Variants in IMMP2L observed in about 807,000 individuals in gnomAD.
The protein encoded by IMMP2L is inner mitochondrial membrane peptidase subunit 2, also known as mitochondrial inner membrane protease subunit 2.
IMMP2L carries 18 observed loss-of-function variants against 19.3 expected under a neutral mutation model. The ratio of observed to expected loss-of-function variants is 0.93; its 90% CI spans 0.64 to 1.38. The LOEUF is 1.38. Ranked by LOEUF, IMMP2L falls within the 40% of genes most tolerant of loss-of-function variation. The pLI, the probability that IMMP2L is intolerant of heterozygous loss-of-function variation, is 0.00. For synonymous variants in IMMP2L, 76 were observed against 73.0 expected (o/e 1.04, Z -0.21); for missense variants, 233 against 218.2 (o/e 1.07, Z -0.43).
At chr7:110,963,816 T>G (rs1819230761) in intron 3 of IMMP2L, among the ~76,000 whole-genome samples, 2 of 152,012 alleles carry the variant, frequency 1.3e-5, no homozygotes, top group Non-Finnish European at 2.9e-5. Flanking sequence ...TACAGAGGAA[T>G]AAAACATTTT....
In IMMP2L at chr7:110,869,737, A is replaced by G. The variant is rs771310621; in HGVS notation, c.408+16856T>C. On this transcript the variant is annotated intron_variant, in intron 5 of 5. Transcript: ENST00000405709. ...TAAGGTGATTCTAATACACATGAAA[A>G]TTTGGGAAACAGTGCTATAACATTT... Among the ~76,000 whole-genome samples, 18 of 152,130 alleles carry G rather than the reference A, an allele frequency of 1.2e-4. 1 individual carries two copies. The highest frequency in any genetic ancestry group is 2.0e-4 in the Admixed American group (3 of 15,266).
At chr7:110,926,201 A>G (rs563030865) in intron 4 of IMMP2L, among the ~76,000 whole-genome samples, 9 of 152,054 alleles carry the variant, frequency 5.9e-5, no homozygotes, top group Non-Finnish European at 4.4e-5. Context: ...TATTACCTCT[A>G]TTCAGGTGAG....
At chr7:111,262,489 G>A (rs550356991) in intron 3 of IMMP2L, among the ~76,000 whole-genome samples, 2 of 152,156 alleles carry the variant, frequency 1.3e-5, no homozygotes, top group African/African-American at 2.4e-5. Flanking sequence ...ATGGGAGTGG[G>A]GGTTGAAGAG....
intron 3 of IMMP2L, among the ~76,000 whole-genome samples, chr7:111,166,902 G>T (rs1212184627): frequency 6.6e-6 from 1 of 151,862 alleles, no homozygotes; most frequent in East Asian, 1.9e-4. Context: ...AGCCCACCTG[G>T]ATAATCCAGG....
chr7:111,320,094 T>C lies in IMMP2L; in HGVS notation c.239+167144A>G, dbSNP rs181930619. On this transcript the variant is annotated intron_variant, in intron 3 of 5. Coordinates refer to ENST00000405709, the MANE Select transcript of IMMP2L (RefSeq NM_032549.4). ...ATACACAGAAAGAGAGGAAAAGTCA[T>C]TGATCCCCAGCCATAAGTCAAGTGA... 7.9e-5 allele frequency among the ~76,000 whole-genome samples: 12 copies of C among 152,160 alleles called. No homozygotes were observed. In the East Asian group the frequency reaches 2.3e-3, roughly 29 times the overall value.
intron 3 of IMMP2L, among the ~76,000 whole-genome samples, chr7:111,276,257 T>C (rs371453449): frequency 1.3e-5 from 2 of 152,282 alleles, no homozygotes; most frequent in East Asian, 3.9e-4. Flanking sequence ...TTTACCAATT[T>C]ACATATATCG....
chr7:111,551,307 A>G (rs187846211), intron 1 of IMMP2L, among the ~76,000 whole-genome samples: 1 of 152,298 alleles, frequency 6.6e-6, no homozygotes, highest in Admixed American at 6.5e-5. Flanking sequence ...TGCCTGAAAG[A>G]AAGTTGTACA....
At chr7:111,098,569 T>C (rs1306023109) in intron 3 of IMMP2L, among the ~76,000 whole-genome samples, 2 of 151,784 alleles carry the variant, frequency 1.3e-5, no homozygotes, top group African/African-American at 4.8e-5. Flanking sequence ...AATCCTTTAC[T>C]GGCTAAAGGA....
In IMMP2L at chr7:111,018,787, TTTATTATTATTATTATTATTATTA is replaced by T. The variant is rs61180550; in HGVS notation, c.240-55246_240-55223del. Among the ~76,000 whole-genome samples the T allele has an allele frequency of 3.7e-4, 52 of 141,490 alleles. 1 individual carries two copies. The highest frequency in any genetic ancestry group is 1.2e-3 in the East Asian group (6 of 4,864). The allele number at this position is 141,490 out of a possible 152,430, so 92.8% of individuals were successfully genotyped here. A position where few individuals can be genotyped will look rare whatever the true frequency, so the allele number is the denominator to read the frequency against. On this transcript the variant is annotated intron_variant, in intron 3 of 5. Coordinates refer to ENST00000405709, the MANE Select transcript of IMMP2L (RefSeq NM_032549.4). ...CTAACCACTGGAAATTGTGTGTCTT[TTTATTATTATTATTATTATTATTA>T]TTATTATTATTATTATTATTATTAT...
chr7:111,057,148 C>A (rs1036696351), intron 3 of IMMP2L, among the ~76,000 whole-genome samples: 1 of 152,142 alleles, frequency 6.6e-6, no homozygotes, highest in Admixed American at 6.5e-5. Flanking sequence ...TTTTAAGATG[C>A]TCTCACGAAT....
Position 111,184,409 on chromosome 7 carries a change from ATTGATAATTT to A in IMMP2L, c.240-220854_240-220845del, listed in dbSNP as rs1020283291. On this transcript the variant is annotated intron_variant, in intron 3 of 5. Transcript: ENST00000405709. ...GTGTAGTATTCCAAAGTACATATATATTGATAATTTGAAGTCAGTGACAATTATATTCAAT... is the reference window on the plus strand; with the variant it reads ...GTGTAGTATTCCAAAGTACATATATAGAAGTCAGTGACAATTATATTCAAT... Among the ~76,000 whole-genome samples the A allele has an allele frequency of 1.2e-4, 18 of 152,074 alleles. 1 individual carries two copies. The highest frequency in any genetic ancestry group is 3.6e-4 in the African/African-American group (15 of 41,412).
intron 5 of IMMP2L, among the ~76,000 whole-genome samples, chr7:110,776,265 T>C (rs1036596446): frequency 2.0e-5 from 3 of 152,048 alleles, no homozygotes; most frequent in Admixed American, 6.6e-5. Context: ...ATTATTTCTG[T>C]ACAACAGGGT....
chr7:110,968,717 T>C (rs1402927200), intron 3 of IMMP2L, among the ~76,000 whole-genome samples: 1 of 152,040 alleles, frequency 6.6e-6, no homozygotes, highest in East Asian at 1.9e-4. Context: ...TTTGCCACAG[T>C]CCCGCCAGCT....
At chr7:110,844,309 A>G (rs1805419484) in intron 5 of IMMP2L, among the ~76,000 whole-genome samples, 1 of 152,140 alleles carries the variant, frequency 6.6e-6, no homozygotes, top group South Asian at 2.1e-4. Context: ...AGAGGCATGT[A>G]CAAAATGCTA....
At chr7:111,151,568 A>C (rs1804074799) in intron 3 of IMMP2L, among the ~76,000 whole-genome samples, 4 of 152,182 alleles carry the variant, frequency 2.6e-5, no homozygotes. Context: ...TTTTACCAAA[A>C]CGTAACATGT....
intron 3 of IMMP2L, among the ~76,000 whole-genome samples, chr7:111,328,654 C>T (rs938036537): frequency 2.0e-5 from 3 of 151,792 alleles, no homozygotes; most frequent in African/African-American, 7.3e-5. Context: ...AATAAATGCT[C>T]ATGCCCATGG....
chr7:111,369,838 G>A (rs1345051339), intron 3 of IMMP2L, among the ~76,000 whole-genome samples: 2 of 151,724 alleles, frequency 1.3e-5, no homozygotes, highest in East Asian at 1.9e-4. Context: ...TCAAAACACA[G>A]AACAACTATC....
chr7:111,120,341 C>A (rs746388914), intron 3 of IMMP2L, among the ~76,000 whole-genome samples: 2 of 152,112 alleles, frequency 1.3e-5, no homozygotes, highest in Admixed American at 6.6e-5. Flanking sequence ...AAAGGCACAT[C>A]TTACATTTAG....
chr7:111,556,255 T>C (rs927888267), intron 1 of IMMP2L, among the ~76,000 whole-genome samples: 1 of 151,692 alleles, frequency 6.6e-6, no homozygotes, highest in African/African-American at 2.4e-5. Context: ...CAGTACTATA[T>C]AATACTGTAT....
Sources: gnomAD v4.1 joint callset for allele counts (sites outside exome capture counted in the v4.1 genomes callset) on GRCh38, gnomAD v4.1.1 for gene constraint, MANE v1.5 for transcripts, NCBI Gene and HGNC (gene_info 2026-07-23, HGNC 2026-07-21) for gene names.